PTPRD: variants seen among roughly 807,000 people sequenced by gnomAD.
PTPRD encodes protein tyrosine phosphatase receptor type D, also known as receptor-type tyrosine-protein phosphatase delta.
A neutral mutation model predicts 214.5 loss-of-function variants in PTPRD; 34 were observed. That is an observed-to-expected ratio of 0.16 (90% confidence interval 0.12 to 0.21). The LOEUF (loss-of-function observed/expected upper bound fraction) is 0.21, where lower values mean the gene tolerates loss of function less well. PTPRD is among the 10% of genes least tolerant of loss of function. PTPRD has a pLI of 1.00. For synonymous variants in PTPRD, 1,128 were observed against 845.7 expected, an observed-to-expected ratio of 1.33 and a Z score of -5.79; for missense variants, 2,545 against 2,398.7, an observed-to-expected ratio of 1.06 and a Z score of -1.27.
intron 12 of PTPRD, among the ~76,000 whole-genome samples, chr9:8,644,543 G>A (rs1323238567): frequency 1.3e-5 from 2 of 152,176 alleles, no homozygotes; most frequent in Admixed American, 1.3e-4. Flanking sequence ...AAGGGCTGTG[G>A]CCCTTTGAGG....
At chr9:9,955,628 A>T (rs1427657648) in intron 4 of PTPRD, among the ~76,000 whole-genome samples, 2 of 151,072 alleles carry the variant, frequency 1.3e-5, no homozygotes, top group African/African-American at 4.9e-5. Context: ...GGTTCACGCC[A>T]TTCTCCTGCC....
chr9:10,574,301 A>G (rs1228423497), intron 2 of PTPRD, among the ~76,000 whole-genome samples: 1 of 152,080 alleles, frequency 6.6e-6, no homozygotes, highest in Admixed American at 6.6e-5. Flanking sequence ...CAAGTTTGTC[A>G]TTACAGAGAT....
At chr9:10,522,263 C>T (rs1804506032) in intron 2 of PTPRD, among the ~76,000 whole-genome samples, 1 of 152,118 alleles carries the variant, frequency 6.6e-6, no homozygotes, top group Non-Finnish European at 1.5e-5. Flanking sequence ...GGGCCAATAT[C>T]TGCAAAAACT....
rs117753278 is a variant in PTPRD at position 9,283,994 on chromosome 9, C to T, written c.-202-100631G>A. 8.1e-3 allele frequency among the ~76,000 whole-genome samples: 1,226 copies of T among 151,704 alleles called. 6 individuals carry two copies. Among genetic ancestry groups the T allele is most frequent in the Non-Finnish European group, 0.012 (822 of 67,740 alleles). ...TTTTGCATCTGGAAAAATAACTCAA[C>T]CACGTTATAATCTTCCTGGCATGTC... On this transcript the variant is annotated intron_variant, in intron 9 of 45. Transcript: ENST00000381196.
chr9:9,154,520 T>C (rs536859146), intron 10 of PTPRD, among the ~76,000 whole-genome samples: 3 of 152,314 alleles, frequency 2.0e-5, no homozygotes, highest in East Asian at 1.9e-4. Context: ...TATGAACCTA[T>C]TGAATCAAGG....
chr9:9,158,458 G>A (rs1425668617), intron 10 of PTPRD, among the ~76,000 whole-genome samples: 1 of 151,966 alleles, frequency 6.6e-6, no homozygotes, highest in African/African-American at 2.4e-5. Flanking sequence ...AAATTAGCTG[G>A]GCATGGTGGC....
intron 9 of PTPRD, among the ~76,000 whole-genome samples, chr9:9,334,800 G>C (rs566037294): frequency 1.3e-5 from 2 of 151,852 alleles, no homozygotes; most frequent in African/African-American, 2.4e-5. Context: ...GCTTTGTTCA[G>C]AAGTGCAGAG....
intron 5 of PTPRD, among the ~76,000 whole-genome samples, chr9:9,887,733 G>C (rs115960995): frequency 0.011 from 1,687 of 152,220 alleles, 27 homozygotes; most frequent in African/African-American, 0.038. Context: ...AAAAATTAGA[G>C]AAAGCTAAAT....
chr9:8,685,037 G>C (rs982953942), intron 12 of PTPRD, among the ~76,000 whole-genome samples: 1 of 152,098 alleles, frequency 6.6e-6, no homozygotes, highest in Non-Finnish European at 1.5e-5. Flanking sequence ...TCCGGGGCTG[G>C]ATGTCAAGAT....
At chr9:8,927,234 T>A (rs1020032174) in intron 11 of PTPRD, among the ~76,000 whole-genome samples, 1 of 152,154 alleles carries the variant, frequency 6.6e-6, no homozygotes. Flanking sequence ...TTATTTATTT[T>A]TATTATACTT....
chr9:9,799,789 A>C lies in PTPRD; in HGVS notation c.-367-32938T>G, dbSNP rs2099027121. Among the ~76,000 whole-genome samples the C allele has an allele frequency of 2.0e-5, 3 of 152,214 alleles. No homozygotes were observed. The South Asian group carries it at 6.2e-4, about 31-fold the overall frequency. On this transcript the variant is annotated intron_variant, in intron 5 of 45. Coordinates refer to ENST00000381196, the MANE Select transcript of PTPRD (RefSeq NM_002839.4). ...TAACAAAAGAGTTTGAGGCCTTAAC[A>C]AAAGGACAAAGCAAGGAAGATAAAA...
intron 10 of PTPRD, among the ~76,000 whole-genome samples, chr9:9,143,954 T>C (rs957583244): frequency 1.3e-5 from 2 of 152,202 alleles, no homozygotes; most frequent in African/African-American, 4.8e-5. Context: ...CCAGAGATGT[T>C]TAGGTATTTT....
At chr9:10,374,737 A>T (rs2097694794) in intron 2 of PTPRD, among the ~76,000 whole-genome samples, 2 of 152,056 alleles carry the variant, frequency 1.3e-5, no homozygotes, top group African/African-American at 2.4e-5. Flanking sequence ...ACTTGATTAG[A>T]AAAAAATGAA....
intron 8 of PTPRD, among the ~76,000 whole-genome samples, chr9:9,520,749 A>G (rs1050226307): frequency 2.0e-5 from 3 of 152,218 alleles, no homozygotes; most frequent in South Asian, 2.1e-4. Context: ...TTGAATGCCA[A>G]TAAAATTTTC....
intron 12 of PTPRD, among the ~76,000 whole-genome samples, chr9:8,719,826 T>C (rs2098473397): frequency 6.6e-6 from 1 of 151,518 alleles, no homozygotes; most frequent in African/African-American, 2.4e-5. Flanking sequence ...AGCTAATGTA[T>C]ATCAATGTGT....
chr9:8,487,720 G>A (rs2097057407), intron 27 of PTPRD, among the ~76,000 whole-genome samples: 1 of 152,206 alleles, frequency 6.6e-6, no homozygotes, highest in Non-Finnish European at 1.5e-5. Context: ...TGAGGCAGGA[G>A]CATCACTTGA....
At chr9:8,645,842 T>C (rs1376267247) in intron 12 of PTPRD, among the ~76,000 whole-genome samples, 2 of 147,958 alleles carry the variant, frequency 1.4e-5, no homozygotes, top group East Asian at 2.0e-4. Flanking sequence ...CCTTCTCCTC[T>C]TACTGAGTGT....
intron 35 of PTPRD, among the ~76,000 whole-genome samples, chr9:8,405,361 T>C (rs1010346158): frequency 1.3e-5 from 2 of 152,118 alleles, no homozygotes; most frequent in African/African-American, 2.4e-5. Context: ...ATTATGTTTA[T>C]AGTTTGCTTT....
At chr9:8,719,386 G>C (rs72700399) in intron 12 of PTPRD, among the ~76,000 whole-genome samples, 9,229 of 152,268 alleles carry the variant, frequency 0.061, 833 homozygotes, top group African/African-American at 0.2. Context: ...TAATTAATCT[G>C]CTCCCAATAA....
Sources: allele counts gnomAD v4.1 joint callset (sites outside exome capture counted in the v4.1 genomes callset), GRCh38; gene constraint gnomAD v4.1.1; transcripts MANE v1.5; gene names NCBI Gene and HGNC (gene_info 2026-07-23, HGNC 2026-07-21).